CXCL13: variants seen among roughly 807,000 people sequenced by gnomAD.
CXCL13 encodes C-X-C motif chemokine ligand 13.
Under a neutral mutation model 12.2 loss-of-function variants are expected in CXCL13, and 7 were observed. The ratio of observed to expected loss-of-function variants is 0.57; its 90% CI spans 0.33 to 1.07. The LOEUF is 1.07. Ranked by LOEUF, CXCL13 falls within the 50% of genes least tolerant of loss-of-function variation. The probability of loss-of-function intolerance (pLI) is 0.04; values close to 1 mark genes in which losing one functional copy is unlikely to be tolerated. For missense variants in CXCL13, 113 were observed against 127.4 expected (o/e 0.89, Z 0.55); for synonymous variants, 47 against 42.4 (o/e 1.11, Z -0.42).
upstream of CXCL13, among the ~76,000 whole-genome samples, chr4:77,603,002 G>C (rs965854324): frequency 6.6e-6 from 1 of 152,158 alleles, no homozygotes; most frequent in Non-Finnish European, 1.5e-5. Context: ...GGGCATTAAA[G>C]AAACTGAAGT....
intron 1 of CXCL13, among the ~76,000 whole-genome samples, chr4:77,572,265 G>A (rs983647408): frequency 6.6e-5 from 10 of 151,820 alleles, no homozygotes; most frequent in African/African-American, 7.3e-5. Flanking sequence ...GCCAGGAGTG[G>A]TGGCACATGC....
At chr4:77,512,420 G>T (rs1418398296) in intron 1 of CXCL13, among the ~76,000 whole-genome samples, 1 of 152,150 alleles carries the variant, frequency 6.6e-6, no homozygotes, top group African/African-American at 2.4e-5. Flanking sequence ...TGAGTGGGTT[G>T]AATAATAAAG....
chr4:77,545,290 A>G (rs1251973693), intron 1 of CXCL13, among the ~76,000 whole-genome samples: 2 of 152,136 alleles, frequency 1.3e-5, no homozygotes, highest in African/African-American at 4.8e-5. Flanking sequence ...GAAGGAAGTC[A>G]TTGGTAGCTT....
chr4:77,541,059 A>G (rs1006450923), intron 1 of CXCL13, among the ~76,000 whole-genome samples: 4 of 152,108 alleles, frequency 2.6e-5, no homozygotes, highest in Non-Finnish European at 4.4e-5. Context: ...TTGTCTTTTG[A>G]GAAGTGTCTG....
At chr4:77,548,464 G>C (rs1015443014) in intron 1 of CXCL13, among the ~76,000 whole-genome samples, 1 of 152,204 alleles carries the variant, frequency 6.6e-6, no homozygotes, top group South Asian at 2.1e-4. Flanking sequence ...GACAGGAGGG[G>C]AAGGCAGTGA....
At chr4:77,518,583 G>A (rs146020533) in intron 1 of CXCL13, among the ~76,000 whole-genome samples, 8,027 of 151,928 alleles carry the variant, frequency 0.053, 722 homozygotes, top group African/African-American at 0.18. Flanking sequence ...CCAGTTGATC[G>A]CATCAGCTCC....
At chr4:77,526,956 G>A (rs1724782227) in intron 1 of CXCL13, among the ~76,000 whole-genome samples, 1 of 152,178 alleles carries the variant, frequency 6.6e-6, no homozygotes, top group African/African-American at 2.4e-5. Context: ...AGGCAAGCGG[G>A]GCTGGAACAT....
At chr4:77,545,742 T>C (rs913508957) in intron 1 of CXCL13, among the ~76,000 whole-genome samples, 2 of 152,146 alleles carry the variant, frequency 1.3e-5, no homozygotes, top group African/African-American at 2.4e-5. Flanking sequence ...CCTTTATTTC[T>C]TTCTCCTGCC....
At chr4:77,570,823 G>T (rs912899652) in intron 1 of CXCL13, among the ~76,000 whole-genome samples, 4 of 150,274 alleles carry the variant, frequency 2.7e-5, no homozygotes, top group African/African-American at 7.6e-5. Context: ...CAGCTGCAGA[G>T]GGTGTACTGG....
chr4:77,545,144 C>A (rs1327958165), intron 1 of CXCL13, among the ~76,000 whole-genome samples: 1 of 152,184 alleles, frequency 6.6e-6, no homozygotes, highest in Non-Finnish European at 1.5e-5. Flanking sequence ...GTTTTGGTTA[C>A]TGTAGCCTTG....
intron 1 of CXCL13, among the ~76,000 whole-genome samples, chr4:77,562,950 GCA>G (rs1725847202): frequency 6.6e-6 from 1 of 152,172 alleles, no homozygotes; most frequent in Admixed American, 6.5e-5. Flanking sequence ...GCCAGAGCCA[GCA>G]GTGGCAACCC....
At chr4:77,539,609 T>C (rs1256526594) in intron 1 of CXCL13, among the ~76,000 whole-genome samples, 4 of 152,226 alleles carry the variant, frequency 2.6e-5, no homozygotes, top group African/African-American at 7.2e-5. Context: ...ATTCTTCTTT[T>C]ACCAGTTGAA....
chr4:77,610,911 C>T (rs961831513), intron 3 of CXCL13, 77 bp from the exon 4 acceptor site: 63 of 1,317,476 alleles, frequency 4.8e-5, no homozygotes, highest in South Asian at 7.3e-5. Context: ...AGTCCTTGCC[C>T]GGTATCTCCA....
In CXCL13 at chr4:77,610,892, A is replaced by G. The variant is rs145370010; in HGVS notation, c.279-96A>G. The G allele has an allele frequency of 1.3e-4, 144 of 1,103,624 alleles. No homozygotes were observed. In the Middle Eastern group the frequency reaches 1.4e-3, roughly 11 times the overall value. The allele number at this position is 1,103,624 out of a possible 1,614,324, so 68.4% of individuals were successfully genotyped here. On this transcript the variant is annotated intron_variant, in intron 3 of 3. Coordinates refer to ENST00000682537, the MANE Select transcript of CXCL13 (RefSeq NM_001371558.1). ...TCAGTAAACCAAACTAGATGCCAGT[A>G]TACATAAGAGTCCTTGCCCGGTATC... is the stretch of plus-strand genomic sequence containing the variant.
rs72861919 is a variant in CXCL13, at chr4:77,536,471, T to C, written c.-43+24683T>C. On this transcript the variant is annotated intron_variant, in intron 1 of 4. Coordinates refer to the CXCL13 transcript ENST00000286758. ...GCCTGGGTTCAAATCCTGGCTCTGCTACCAACCAGCTGTATAAATTTGGGT... is the reference window on the plus strand; with the variant it reads ...GCCTGGGTTCAAATCCTGGCTCTGCCACCAACCAGCTGTATAAATTTGGGT... Among the ~76,000 whole-genome samples the C allele has an allele frequency of 4.3e-3, 661 of 152,294 alleles. 7 individuals carry two copies. Among genetic ancestry groups the C allele is most frequent in the African/African-American group, 0.015 (626 of 41,554 alleles).
At position 77,556,001 on chromosome 4, in the gene CXCL13, T is replaced by G. The variant is rs181086202; in HGVS notation, c.-43+44213T>G. Among the ~76,000 whole-genome samples, 27 of 152,300 alleles carry G rather than the reference T, an allele frequency of 1.8e-4. 1 individual carries two copies. The highest frequency in any genetic ancestry group is 6.5e-4 in the African/African-American group (27 of 41,576). ...GAGCCACTGAAACTCTCTCATATAT[T>G]GCTGAGACAAATGTAGAATGGTACA... is the stretch of plus-strand genomic sequence containing the variant. On this transcript the variant is annotated intron_variant, in intron 1 of 4. Transcript: ENST00000286758.
intron 1 of CXCL13, among the ~76,000 whole-genome samples, chr4:77,586,504 A>G (rs907663603): frequency 2.6e-5 from 4 of 152,182 alleles, no homozygotes; most frequent in African/African-American, 4.8e-5. Context: ...CTAACAAAAC[A>G]GGCAGTATGC....
At chr4:77,554,136 T>C (rs939383269) in intron 1 of CXCL13, among the ~76,000 whole-genome samples, 1 of 152,196 alleles carries the variant, frequency 6.6e-6, no homozygotes, top group Non-Finnish European at 1.5e-5. Context: ...CATGAAGTTA[T>C]TCTCTTTCTC....
At chr4:77,538,821 T>C (rs747841716) in intron 1 of CXCL13, among the ~76,000 whole-genome samples, 82 of 152,242 alleles carry the variant, frequency 5.4e-4, no homozygotes, top group Non-Finnish European at 1.0e-3. Context: ...GTGGAAGTTA[T>C]CCAAGTCACA....
Sources: gnomAD v4.1 joint callset for allele counts (sites outside exome capture counted in the v4.1 genomes callset) on GRCh38, gnomAD v4.1.1 for gene constraint, MANE v1.5 for transcripts, NCBI Gene and HGNC (gene_info 2026-07-23, HGNC 2026-07-21) for gene names.